The following NRG3 variants were observed in gnomAD, a reference collection of about 807,000 sequenced individuals.
The protein encoded by NRG3 is pro-neuregulin-3, membrane-bound isoform.
Under a neutral mutation model 66.9 loss-of-function variants are expected in NRG3, and 31 were observed. The observed-to-expected ratio is 0.46, with a 90% confidence interval of 0.35 to 0.63. NRG3 has a LOEUF of 0.63. NRG3 is among the 20% of genes least tolerant of loss of function. NRG3 has a pLI of 0.00. For missense variants in NRG3, 910 were observed against 878.9 expected (o/e 1.04, Z -0.45); for synonymous variants, 393 against 359.4 (o/e 1.09, Z -1.06).
chr10:82,164,985 T>C (rs1324117617), intron 1 of NRG3, among the ~76,000 whole-genome samples: 2 of 152,294 alleles, frequency 1.3e-5, no homozygotes, highest in East Asian at 3.9e-4. Context: ...AATATCTGTT[T>C]ATGCCCTATA....
At chr10:82,128,035 A>G (rs1350314322) in intron 1 of NRG3, among the ~76,000 whole-genome samples, 1 of 151,896 alleles carries the variant, frequency 6.6e-6, no homozygotes, top group Non-Finnish European at 1.5e-5. Flanking sequence ...ATAAATAGAA[A>G]TCTCTTGGCT....
intron 3 of NRG3, among the ~76,000 whole-genome samples, chr10:82,773,427 G>A (rs1485790426): frequency 1.3e-5 from 2 of 151,968 alleles, no homozygotes; most frequent in East Asian, 3.9e-4. Flanking sequence ...TTTTTTCCTT[G>A]GGTCATTTGA....
intron 1 of NRG3, among the ~76,000 whole-genome samples, chr10:82,010,785 C>T (rs2061544866): frequency 2.0e-5 from 3 of 152,174 alleles, no homozygotes; most frequent in East Asian, 1.9e-4. Flanking sequence ...GCACAGGACT[C>T]AGGAAGTATT....
At chr10:82,591,760 C>G (rs958494781) in intron 2 of NRG3, among the ~76,000 whole-genome samples, 4 of 152,126 alleles carry the variant, frequency 2.6e-5, no homozygotes, top group African/African-American at 9.7e-5. Context: ...TCTACTATTC[C>G]CCAAGGATTT....
chr10:82,444,516 CTTG>C (rs1487611813), intron 2 of NRG3, among the ~76,000 whole-genome samples: 1 of 152,076 alleles, frequency 6.6e-6, no homozygotes, highest in Non-Finnish European at 1.5e-5. Context: ...TATAATTTAA[CTTG>C]TGACTAGTGC....
intron 2 of NRG3, among the ~76,000 whole-genome samples, chr10:82,404,908 G>T (rs1170244311): frequency 6.6e-6 from 1 of 152,090 alleles, no homozygotes; most frequent in Non-Finnish European, 1.5e-5. Flanking sequence ...CACAGGTTCT[G>T]GTAGAGCGAG....
intron 1 of NRG3, among the ~76,000 whole-genome samples, chr10:82,255,457 A>G (rs1043842736): frequency 1.3e-5 from 2 of 152,204 alleles, no homozygotes; most frequent in Non-Finnish European, 1.5e-5. Context: ...ACAGTGGGAA[A>G]TACACCATAT....
At chr10:82,310,110 A>G (rs978004768) in intron 1 of NRG3, among the ~76,000 whole-genome samples, 1 of 152,030 alleles carries the variant, frequency 6.6e-6, no homozygotes, top group African/African-American at 2.4e-5. Context: ...TCTCCCTCCC[A>G]TCCATCCTTC....
chr10:82,229,478 T>C (rs1224156471), intron 1 of NRG3, among the ~76,000 whole-genome samples: 1 of 152,062 alleles, frequency 6.6e-6, no homozygotes, highest in Admixed American at 6.5e-5. Context: ...AGTATATTAG[T>C]TTGTTCTCAT....
chr10:82,501,334 A>G (rs1352813187), intron 2 of NRG3, among the ~76,000 whole-genome samples: 1 of 152,272 alleles, frequency 6.6e-6, no homozygotes, highest in East Asian at 1.9e-4. Flanking sequence ...GGATATTTTC[A>G]GCACCGCAAC....
rs954808421 is a variant in NRG3 at position 82,761,374 on chromosome 10, A to G, written c.1027+22724A>G. ...CCATTTGTAGCCATAGTGCAATAAA[A>G]CAAGAAGCAAAAACAAAGTAACAGA... On this transcript the variant is annotated intron_variant, in intron 3 of 8. Coordinates refer to ENST00000372141, the MANE Select transcript of NRG3 (RefSeq NM_001010848.4). Among the ~76,000 whole-genome samples, 4 of 152,230 alleles carry G rather than the reference A, an allele frequency of 2.6e-5. No individual in the cohort carries two copies. In the East Asian group the frequency reaches 7.7e-4, roughly 29 times the overall value.
chr10:82,175,605 A>G (rs1242026252), intron 1 of NRG3, among the ~76,000 whole-genome samples: 3 of 152,202 alleles, frequency 2.0e-5, no homozygotes, highest in Non-Finnish European at 4.4e-5. Flanking sequence ...GCTCTGGGAA[A>G]ATTAAACATT....
intron 2 of NRG3, among the ~76,000 whole-genome samples, chr10:82,523,346 A>G (rs1472625054): frequency 6.6e-6 from 1 of 152,174 alleles, no homozygotes; most frequent in Non-Finnish European, 1.5e-5. Context: ...GTTGTTTTCC[A>G]AAGTGGCTGC....
chr10:82,181,435 A>G (rs1280222193), intron 1 of NRG3, among the ~76,000 whole-genome samples: 1 of 151,740 alleles, frequency 6.6e-6, no homozygotes, highest in Non-Finnish European at 1.5e-5. Context: ...CTTTTGCTGC[A>G]TGCCATAAAA....
intron 2 of NRG3, among the ~76,000 whole-genome samples, chr10:82,567,459 A>C (rs977189118): frequency 6.6e-6 from 1 of 152,010 alleles, no homozygotes; most frequent in Non-Finnish European, 1.5e-5. Context: ...CCTGGGTATA[A>C]AGAATGTATT....
At chr10:82,762,668 A>C (rs2059375385) in intron 3 of NRG3, among the ~76,000 whole-genome samples, 1 of 152,204 alleles carries the variant, frequency 6.6e-6, no homozygotes, top group African/African-American at 2.4e-5. Context: ...TAGTTAACAA[A>C]ATAGCCTAGA....
At chr10:82,344,346 G>C (rs1408342988) in intron 1 of NRG3, among the ~76,000 whole-genome samples, 2 of 151,276 alleles carry the variant, frequency 1.3e-5, no homozygotes, top group Non-Finnish European at 2.9e-5. Context: ...AGTTTACTGA[G>C]AATGATGATT....
intron 3 of NRG3, among the ~76,000 whole-genome samples, chr10:82,763,219 G>A (rs557776465): frequency 6.6e-6 from 1 of 152,214 alleles, no homozygotes. Context: ...TTTTCCAGAG[G>A]TTTTGTAATA....
chr10:82,872,807 T>C (rs1041771472), intron 4 of NRG3, among the ~76,000 whole-genome samples: 3 of 151,874 alleles, frequency 2.0e-5, no homozygotes, highest in African/African-American at 7.3e-5. Flanking sequence ...ACACTTAAGC[T>C]GAGTATCAGC....
Sources: allele counts gnomAD v4.1 joint callset (sites outside exome capture counted in the v4.1 genomes callset), GRCh38; gene constraint gnomAD v4.1.1; transcripts MANE v1.5; gene names NCBI Gene and HGNC (gene_info 2026-07-23, HGNC 2026-07-21).